STAG1: variants seen among roughly 807,000 people sequenced by gnomAD.
The protein encoded by STAG1 is cohesin subunit SA-1.
In STAG1, 26 loss-of-function variants were observed where a neutral mutation model predicts 170.9. The observed-to-expected ratio is 0.15, with a 90% confidence interval of 0.11 to 0.21. The LOEUF is 0.21. Ranked by LOEUF, STAG1 falls within the 10% of genes least tolerant of loss-of-function variation. STAG1 has a pLI of 1.00. For missense variants in STAG1, 964 were observed against 1,509.5 expected, an observed-to-expected ratio of 0.64 and a Z score of 5.99; for synonymous variants, 514 against 497.7, an observed-to-expected ratio of 1.03 and a Z score of -0.44.
At chr3:136,553,086 G>A (rs937790364) in intron 5 of STAG1, among the ~76,000 whole-genome samples, 3 of 152,082 alleles carry the variant, frequency 2.0e-5, no homozygotes, top group South Asian at 2.1e-4. Context: ...AACTTACCAT[G>A]TTAAAAAATA....
intron 9 of STAG1, among the ~76,000 whole-genome samples, chr3:136,498,275 A>AC (rs1559841993): frequency 9.4e-5 from 9 of 95,930 alleles, no homozygotes; most frequent in East Asian, 5.7e-4. Context: ...CACACACACC[A>AC]CACACACATA....
intron 5 of STAG1, among the ~76,000 whole-genome samples, chr3:136,557,878 A>C (rs555098032): frequency 6.6e-6 from 1 of 152,328 alleles, no homozygotes; most frequent in East Asian, 1.9e-4. Flanking sequence ...CCATAAAAGA[A>C]AAGACAAATA....
intron 4 of STAG1, chr3:136,586,746 T>A (rs1937850405): frequency 2.3e-6 from 1 of 430,188 alleles, no homozygotes; most frequent in African/African-American, 2.0e-5. Context: ...GACTAATCTG[T>A]ATGCACTAAC....
At chr3:136,342,523 C>T (rs1936024036) in intron 30 of STAG1, among the ~76,000 whole-genome samples, 1 of 152,160 alleles carries the variant, frequency 6.6e-6, no homozygotes, top group Non-Finnish European at 1.5e-5. Context: ...TCTGTGTCAC[C>T]CAGGCTGGAG....
chr3:136,710,293 G>A (rs543175163), intron 1 of STAG1, among the ~76,000 whole-genome samples: 1 of 152,118 alleles, frequency 6.6e-6, no homozygotes, highest in Non-Finnish European at 1.5e-5. Context: ...CAGTAATACA[G>A]TCTGATTTTA....
chr3:136,649,390 A>C (rs1179703476), intron 1 of STAG1, among the ~76,000 whole-genome samples: 1 of 151,032 alleles, frequency 6.6e-6, no homozygotes, highest in Non-Finnish European at 1.5e-5. Flanking sequence ...GAGGCATGAG[A>C]ATTGCTTGAA....
intron 1 of STAG1, among the ~76,000 whole-genome samples, chr3:136,691,586 G>A (rs1045574663): frequency 6.6e-6 from 1 of 152,164 alleles, no homozygotes; most frequent in African/African-American, 2.4e-5. Flanking sequence ...TGGTGTGTCT[G>A]AGAAACCCTC....
rs528294217 is a variant in STAG1, at chr3:136,548,774, G to A, written c.395-6579C>T. Among the ~76,000 whole-genome samples, 15 of 152,246 alleles carry A rather than the reference G, an allele frequency of 9.9e-5. No individual in the cohort carries two copies. The South Asian group carries it at 1.7e-3, about 17-fold the overall frequency. ...GTCTGTGTCCCCACTCAAATCTCATGTCAAATTGTAATCCCCAATGTTGGA... is the reference window on the plus strand; with the variant it reads ...GTCTGTGTCCCCACTCAAATCTCATATCAAATTGTAATCCCCAATGTTGGA... On this transcript the variant is annotated intron_variant, in intron 5 of 33. Coordinates refer to ENST00000383202, the MANE Select transcript of STAG1 (RefSeq NM_005862.3).
At chr3:136,578,619 C>A (rs1176868484) in intron 4 of STAG1, among the ~76,000 whole-genome samples, 3 of 152,184 alleles carry the variant, frequency 2.0e-5, no homozygotes, top group Non-Finnish European at 4.4e-5. Flanking sequence ...AGATACTGTG[C>A]ATTGTTGAAA....
intron 22 of STAG1, among the ~76,000 whole-genome samples, chr3:136,383,954 C>CAAAAAAA (rs71304276): frequency 1.0e-4 from 6 of 58,916 alleles, no homozygotes; most frequent in Non-Finnish European, 1.6e-4. Flanking sequence ...GACTCCGTCT[C>CAAAAAAA]AAAAAAAAAA....
At chr3:136,541,191 C>T (rs2107725375) in intron 6 of STAG1, among the ~76,000 whole-genome samples, 1 of 152,158 alleles carries the variant, frequency 6.6e-6, no homozygotes, top group South Asian at 2.1e-4. Flanking sequence ...TGCCCACTCC[C>T]TGTCAAAGAG....
At chr3:136,496,869 A>G (rs915562789) in intron 9 of STAG1, among the ~76,000 whole-genome samples, 1 of 152,104 alleles carries the variant, frequency 6.6e-6, no homozygotes, top group African/African-American at 2.4e-5. Context: ...TACACTGAAC[A>G]ATGAAAAGAG....
At chr3:136,371,322 G>A (rs1429870628) in intron 23 of STAG1, among the ~76,000 whole-genome samples, 1 of 151,976 alleles carries the variant, frequency 6.6e-6, no homozygotes, top group Non-Finnish European at 1.5e-5. Context: ...TCACTCTGAT[G>A]GTAGTTTCTT....
chr3:136,689,055 T>A (rs141680501), intron 1 of STAG1, among the ~76,000 whole-genome samples: 13 of 152,320 alleles, frequency 8.5e-5, no homozygotes, highest in African/African-American at 2.9e-4. Flanking sequence ...GAAAAGCAGA[T>A]TCTTTATGGT....
intron 1 of STAG1, among the ~76,000 whole-genome samples, chr3:136,705,405 ACACACACACACACACACAC>A (rs1242603666): frequency 2.0e-5 from 3 of 151,556 alleles, no homozygotes; most frequent in Non-Finnish European, 4.4e-5. Flanking sequence ...ACACACACAC[ACACACACACACACACACAC>A]AACGAAGTTC....
At chr3:136,432,886 G>A (rs1228300056) in intron 16 of STAG1, among the ~76,000 whole-genome samples, 1 of 152,138 alleles carries the variant, frequency 6.6e-6, no homozygotes, top group African/African-American at 2.4e-5. Context: ...AAGCATGTGG[G>A]TACATGTGTA....
At chr3:136,519,236 T>TG (rs1368684121) in intron 7 of STAG1, among the ~76,000 whole-genome samples, 1 of 152,114 alleles carries the variant, frequency 6.6e-6, no homozygotes, top group African/African-American at 2.4e-5. Context: ...TTAGAGTAAA[T>TG]GGCATACAAT....
chr3:136,441,742 G>C (rs962300516), intron 15 of STAG1, among the ~76,000 whole-genome samples: 3 of 152,102 alleles, frequency 2.0e-5, no homozygotes, highest in Non-Finnish European at 4.4e-5. Context: ...GAGGGTACAG[G>C]AAGCAGAAAA....
intron 1 of STAG1, among the ~76,000 whole-genome samples, chr3:136,697,006 T>C (rs920999947): frequency 6.6e-6 from 1 of 152,210 alleles, no homozygotes; most frequent in Non-Finnish European, 1.5e-5. Flanking sequence ...AATTTTACCG[T>C]ATGTAAATTA....
Sources: gnomAD v4.1 joint callset for allele counts (sites outside exome capture counted in the v4.1 genomes callset) on GRCh38, gnomAD v4.1.1 for gene constraint, MANE v1.5 for transcripts, NCBI Gene and HGNC (gene_info 2026-07-23, HGNC 2026-07-21) for gene names.